The following CARD19 variants were observed in gnomAD, a reference collection of about 807,000 sequenced individuals.
CARD19 encodes the protein caspase recruitment domain-containing protein 19.
Under a neutral mutation model 24.1 loss-of-function variants are expected in CARD19, and 25 were observed. The ratio of observed to expected loss-of-function variants is 1.04; its 90% CI spans 0.76 to 1.45. The LOEUF (loss-of-function observed/expected upper bound fraction) is 1.45, where lower values mean the gene tolerates loss of function less well. Ranked by LOEUF, CARD19 falls within the 40% of genes most tolerant of loss-of-function variation. The pLI is 0.00. For missense variants in CARD19, 241 were observed against 247.4 expected (o/e 0.97, Z 0.17); for synonymous variants, 103 against 104.9 (o/e 0.98, Z 0.11).
chr9:93,107,880 A>G, intron 2 of CARD19, 64 bp downstream of exon 2: 1 of 1,599,990 alleles, frequency 6.3e-7, no homozygotes, highest in Non-Finnish European at 8.5e-7. Flanking sequence ...CTGGGCTGGG[A>G]GAAGCTGGTG....
chr9:93,096,749 A>G lies in CARD19; in HGVS notation c.7+397A>G, dbSNP rs1826879344. ...GGAGGTGGTAGAAATGACACCGGAG[A>G]GAATTCACAGCGGTCCTGCTGTGAT... On this transcript the variant is annotated intron_variant, in intron 1 of 5. Coordinates refer to ENST00000375464, the MANE Select transcript of CARD19 (RefSeq NM_032310.5). The surrounding 1 kb of genome is among the most constrained non-coding windows in gnomAD (Gnocchi z 5.4). Among the ~76,000 whole-genome samples, 1 of 152,182 alleles carries G rather than the reference A, an allele frequency of 6.6e-6. No individual in the cohort carries two copies. Among genetic ancestry groups the G allele is most frequent in the Non-Finnish European group, 1.5e-5 (1 of 68,010 alleles).
chr9:93,113,064 G>T lies in CARD19; in HGVS notation c.509G>T (p.Arg170Leu). Residue 170 changes from arginine to leucine, a missense_variant, in exon 6 of 6, where the codon CGC becomes CTC. Coordinates refer to ENST00000375464, the MANE Select transcript of CARD19 (RefSeq NM_032310.5). ...GTCATCATCGACAGACATGTCAGCC[G>T]CTACCTGCTGGCCTTCCTGGCAGAT... Reference protein sequence around the residue: ...SPVIIDRHVSRYLLAFLADDL... With the variant: ...SPVIIDRHVSLYLLAFLADDL... 1.2e-6 allele frequency: 2 copies of T among 1,600,394 alleles called. No homozygotes were observed. The highest frequency in any genetic ancestry group is 1.7e-6 in the Non-Finnish European group (2 of 1,172,710).
chr9:93,107,643 C>G, intron 1 of CARD19, 31 bp from the exon 2 acceptor site: 1 of 1,613,168 alleles, frequency 6.2e-7, no homozygotes, highest in Non-Finnish European at 8.5e-7. Context: ...TTGGGCTGTG[C>G]TGGCTCATGA....
intron 1 of CARD19, among the ~76,000 whole-genome samples, chr9:93,098,900 CTT>C (rs10693165): frequency 4.2e-5 from 5 of 120,438 alleles, no homozygotes; most frequent in Non-Finnish European, 8.2e-5. Flanking sequence ...TTGCAGAACT[CTT>C]TTTTTTTTTT....
At chr9:93,111,467 G>A in intron 3 of CARD19, 1 of 1,082,948 alleles carries the variant, frequency 9.2e-7, no homozygotes, top group South Asian at 2.8e-5. Context: ...CTACTGGGCT[G>A]TGGTCTCTGA....
chr9:93,112,390 T>G, intron 5 of CARD19, 101 bp downstream of exon 5: 1 of 939,262 alleles, frequency 1.1e-6, no homozygotes, highest in Non-Finnish European at 1.7e-6. Flanking sequence ...GGCCTCTTCG[T>G]ACCTCGGTGT....
chr9:93,112,133 C>T, intron 4 of CARD19, 85 bp from the exon 5 acceptor site: 1 of 1,421,388 alleles, frequency 7.0e-7, no homozygotes, highest in Non-Finnish European at 9.6e-7. Flanking sequence ...GCCTGGCACC[C>T]CCACTCCCCT....
chr9:93,110,537 G>C, intron 2 of CARD19, 31 bp from the exon 3 acceptor site: 3 of 1,564,556 alleles, frequency 1.9e-6, no homozygotes, highest in Non-Finnish European at 2.6e-6. Context: ...CCCCTGGCCT[G>C]ATCTTCCCTG....
At chr9:93,110,798 G>A in intron 3 of CARD19, 77 bp downstream of exon 3, 1 of 1,545,918 alleles carries the variant, frequency 6.5e-7, no homozygotes, top group Non-Finnish European at 8.7e-7. Flanking sequence ...TGATGGCATG[G>A]ATGTCCTCCA....
At chr9:93,097,925 C>T (rs1212583152) in intron 1 of CARD19, among the ~76,000 whole-genome samples, 1 of 152,234 alleles carries the variant, frequency 6.6e-6, no homozygotes, top group Non-Finnish European at 1.5e-5. Context: ...AACCAAGGCC[C>T]ATGGAGCACA....
chr9:93,104,312 C>T (rs753450097), intron 1 of CARD19, among the ~76,000 whole-genome samples: 7 of 152,094 alleles, frequency 4.6e-5, no homozygotes, highest in Non-Finnish European at 1.0e-4. Flanking sequence ...GCTGTATTGC[C>T]CAAGTGTGGT....
chr9:93,112,185 AG>A, intron 4 of CARD19, 32 bp from the exon 5 acceptor site: 2 of 1,540,106 alleles, frequency 1.3e-6, no homozygotes. Flanking sequence ...TCTGAGGCCC[AG>A]GGGAGCCCTG....
At position 93,111,770 on chromosome 9, in the gene CARD19, G is replaced by C; in HGVS notation, c.305-109G>C. On this transcript the variant is annotated intron_variant, in intron 3 of 5. Coordinates refer to ENST00000375464, the MANE Select transcript of CARD19 (RefSeq NM_032310.5). ...AGCCTCAGGTGCCACAGCCTGGTTC[G>C]GCCTGGCGGCCCCAGGAGGCAGCAG... 6 of 1,521,026 alleles carry C rather than the reference G, an allele frequency of 3.9e-6. 1 individual carries two copies. The Middle Eastern group carries it at 9.4e-4, about 239-fold the overall frequency. 94.2% of individuals were successfully genotyped at this position (1,521,026 alleles called of 1,614,324 possible).
chr9:93,096,631 C>T lies in CARD19; in HGVS notation c.7+279C>T, dbSNP rs559091952. Among the ~76,000 whole-genome samples, 1 of 152,322 alleles carries T rather than the reference C, an allele frequency of 6.6e-6. No individual in the cohort carries two copies. The highest frequency in any genetic ancestry group is 2.4e-5 in the African/African-American group (1 of 41,580). On this transcript the variant is annotated intron_variant, in intron 1 of 5. Transcript: ENST00000375464. The surrounding 1 kb of genome is among the most constrained non-coding windows in gnomAD (Gnocchi z 5.4). Reference sequence around the variant, plus strand: ...CCCGAAGAGGGCGGGGGCTACAAGGCAGCTCCAGGGTGGGGCTGCACAGCC... The same window carrying T: ...CCCGAAGAGGGCGGGGGCTACAAGGTAGCTCCAGGGTGGGGCTGCACAGCC...
At chr9:93,111,580 C>T (rs1827487729) in intron 3 of CARD19, 1 of 1,261,838 alleles carries the variant, frequency 7.9e-7, no homozygotes, top group Non-Finnish European at 1.0e-6. Context: ...GCTCTCCCTC[C>T]CCAGCCACGA....
chr9:93,105,820 C>G (rs76774472), intron 1 of CARD19, among the ~76,000 whole-genome samples: 3 of 152,012 alleles, frequency 2.0e-5, no homozygotes, highest in African/African-American at 7.3e-5. Flanking sequence ...GTATGTCTGC[C>G]AGGTATAATT....
intron 1 of CARD19, among the ~76,000 whole-genome samples, 200 bp from the exon 2 acceptor site, chr9:93,107,474 C>T (rs1387292453): frequency 1.5e-4 from 23 of 152,252 alleles, no homozygotes; most frequent in Admixed American, 1.4e-3. Context: ...TCTGGAGAGG[C>T]AGGTTGGCAG....
intron 1 of CARD19, among the ~76,000 whole-genome samples, chr9:93,098,955 G>A (rs1038290380): frequency 6.8e-6 from 1 of 147,728 alleles, no homozygotes; most frequent in Non-Finnish European, 1.5e-5. Flanking sequence ...AAGCTGGAGT[G>A]CAGTGGTGCA....
intron 3 of CARD19, chr9:93,111,320 G>T: frequency 8.8e-7 from 1 of 1,132,344 alleles, no homozygotes; most frequent in Non-Finnish European, 1.1e-6. Context: ...CTGCTGGGAT[G>T]TGGGGGGCAT....
Sources: gnomAD v4.1 joint callset for allele counts (sites outside exome capture counted in the v4.1 genomes callset) on GRCh38, gnomAD v4.1.1 for gene constraint, Gnocchi (gnomAD v3.1) non-coding constraint, MANE v1.5 for transcripts, NCBI Gene and HGNC (gene_info 2026-07-23, HGNC 2026-07-21) for gene names.